Variants in IKZF1 observed in about 807,000 individuals in gnomAD.
IKZF1 encodes DNA-binding protein Ikaros.
In IKZF1, 10 loss-of-function variants were observed where a neutral mutation model predicts 51.7. The ratio of observed to expected loss-of-function variants is 0.19; its 90% CI spans 0.12 to 0.33. The LOEUF is 0.33. Ranked by LOEUF, IKZF1 falls within the 10% of genes least tolerant of loss-of-function variation. The pLI is 1.00. For missense variants in IKZF1, 484 were observed against 707.5 expected, an observed-to-expected ratio of 0.68 and a Z score of 3.58; for synonymous variants, 280 against 282.3, an observed-to-expected ratio of 0.99 and a Z score of 0.08.
intron 6 of IKZF1, among the ~76,000 whole-genome samples, chr7:50,388,123 G>A (rs1302378178): frequency 6.6e-6 from 1 of 152,162 alleles, no homozygotes; most frequent in Non-Finnish European, 1.5e-5. Flanking sequence ...GATGTGGAGA[G>A]AGTATTGAAA....
At chr7:50,305,495 C>A (rs1358964695) in intron 1 of IKZF1, among the ~76,000 whole-genome samples, 2 of 152,212 alleles carry the variant, frequency 1.3e-5, no homozygotes, top group African/African-American at 4.8e-5. Context: ...TCAAGCATCG[C>A]TGCTGATGCC....
chr7:50,351,050 T>C (rs926398110), intron 3 of IKZF1, among the ~76,000 whole-genome samples: 1 of 152,248 alleles, frequency 6.6e-6, no homozygotes. Context: ...GTGTGTTACC[T>C]CTCGGAATAA....
At chr7:50,346,117 T>A (rs757328410) in intron 3 of IKZF1, among the ~76,000 whole-genome samples, 4 of 152,170 alleles carry the variant, frequency 2.6e-5, no homozygotes, top group Admixed American at 1.3e-4. Context: ...GACAACTTCA[T>A]CCCACCCCCG....
At chr7:50,369,776 T>C (rs1351065504) in intron 3 of IKZF1, 1 of 391,212 alleles carries the variant, frequency 2.6e-6, no homozygotes, top group African/African-American at 2.1e-5. Flanking sequence ...CTTTTTTTTA[T>C]TCTCTTTATC....
intron 4 of IKZF1, among the ~76,000 whole-genome samples, chr7:50,378,148 T>G (rs1810843415): frequency 6.6e-6 from 1 of 152,238 alleles, no homozygotes; most frequent in African/African-American, 2.4e-5. Flanking sequence ...TTTTTTATAT[T>G]TGAATCGGGC....
rs1204335464 is a variant in IKZF1, at chr7:50,402,905, T to G, written c.*2278T>G. ...ATGCAATCACAGAGAAAGATGCGCC[T>G]TATCCAAGTTAATATCTCTAAGGTG... On this transcript the variant is annotated 3_prime_UTR_variant, in exon 8 of 8. Coordinates refer to ENST00000331340, the MANE Select transcript of IKZF1 (RefSeq NM_006060.6). The G allele has an allele frequency of 4.4e-6, 1 of 229,532 alleles. No homozygotes were observed. The allele number at this position is 229,532 out of a possible 1,614,324, so 14.2% of individuals were successfully genotyped here. A position where few individuals can be genotyped will look rare whatever the true frequency, so the allele number is the denominator to read the frequency against.
intron 1 of IKZF1, among the ~76,000 whole-genome samples, chr7:50,305,826 T>TA (rs1788638754): frequency 6.6e-6 from 1 of 152,218 alleles, no homozygotes; most frequent in Non-Finnish European, 1.5e-5. Context: ...TTTATGGAAT[T>TA]TGAAAATACT....
chr7:50,362,597 C>G (rs1805591943), intron 3 of IKZF1, among the ~76,000 whole-genome samples: 1 of 152,128 alleles, frequency 6.6e-6, no homozygotes. Flanking sequence ...ACAGGGCTCT[C>G]TTTTTTGTTT....
chr7:50,360,690 C>T (rs903164415), intron 3 of IKZF1, among the ~76,000 whole-genome samples: 1 of 152,274 alleles, frequency 6.6e-6, no homozygotes, highest in African/African-American at 2.4e-5. Flanking sequence ...ATCAAAGGCT[C>T]TTGCCTTGTG....
At chr7:50,396,689 T>A (rs898749102) in intron 7 of IKZF1, among the ~76,000 whole-genome samples, 1 of 152,122 alleles carries the variant, frequency 6.6e-6, no homozygotes, top group Non-Finnish European at 1.5e-5. Flanking sequence ...CCCACTATAT[T>A]TTTTTTTCCT....
At chr7:50,353,953 A>G (rs1225675773) in intron 3 of IKZF1, among the ~76,000 whole-genome samples, 1 of 152,168 alleles carries the variant, frequency 6.6e-6, no homozygotes, top group African/African-American at 2.4e-5. Flanking sequence ...CCAAGCCAGG[A>G]TGCTGGGATC....
intron 3 of IKZF1, among the ~76,000 whole-genome samples, chr7:50,375,710 C>T (rs1370866969): frequency 8.0e-6 from 1 of 125,162 alleles, no homozygotes. Context: ...CTCCCACCCC[C>T]CCCCCCCACC....
chr7:50,355,944 C>T (rs974105585), intron 3 of IKZF1, among the ~76,000 whole-genome samples: 1 of 152,208 alleles, frequency 6.6e-6, no homozygotes, highest in African/African-American at 2.4e-5. Flanking sequence ...GCAACTTCCA[C>T]GCTCCTTCAG....
chr7:50,396,091 G>C (rs564820103), intron 7 of IKZF1, among the ~76,000 whole-genome samples: 8 of 152,232 alleles, frequency 5.3e-5, no homozygotes, highest in Admixed American at 3.9e-4. Flanking sequence ...ATTTTGTCTA[G>C]AGAGTCCCTT....
At position 50,327,885 on chromosome 7, in the gene IKZF1, A is replaced by G. The variant is rs1795477325; in HGVS notation, c.160+128A>G. The G allele has an allele frequency of 6.3e-6, 7 of 1,109,362 alleles. No homozygotes were observed. In the South Asian group the frequency reaches 1.2e-4, roughly 19 times the overall value. 68.7% of individuals were successfully genotyped at this position (1,109,362 alleles called of 1,614,324 possible). On this transcript the variant is annotated intron_variant, in intron 3 of 7. Coordinates refer to ENST00000331340, the MANE Select transcript of IKZF1 (RefSeq NM_006060.6). ...CCCTCAACTGGCATATTAAAGAAATATGGCACAAAGATCAGCAGGATGGGG... is the reference window on the plus strand; with the variant it reads ...CCCTCAACTGGCATATTAAAGAAATGTGGCACAAAGATCAGCAGGATGGGG...
intron 3 of IKZF1, among the ~76,000 whole-genome samples, chr7:50,335,613 G>A (rs1797561371): frequency 6.9e-6 from 1 of 145,024 alleles, no homozygotes; most frequent in Non-Finnish European, 1.5e-5. Flanking sequence ...GTGTATGTGT[G>A]TTATATGTGT....
intron 3 of IKZF1, among the ~76,000 whole-genome samples, chr7:50,354,994 A>G (rs1045344489): frequency 4.6e-5 from 7 of 152,154 alleles, no homozygotes; most frequent in Non-Finnish European, 7.4e-5. Context: ...ACACCTGTTC[A>G]GGAGATTCCC....
At chr7:50,307,415 G>A (rs750717083) in intron 1 of IKZF1, among the ~76,000 whole-genome samples, 14 of 152,284 alleles carry the variant, frequency 9.2e-5, no homozygotes, top group South Asian at 2.1e-4. Flanking sequence ...CTCTGAAAAC[G>A]CTTGTCTTCC....
intron 5 of IKZF1, among the ~76,000 whole-genome samples, chr7:50,386,950 A>G (rs56100697): frequency 0.062 from 9,512 of 152,258 alleles, 363 homozygotes; most frequent in South Asian, 0.14. Context: ...ACTGAGGCCT[A>G]CTCTGGAGGC....
Sources: allele counts gnomAD v4.1 joint callset (sites outside exome capture counted in the v4.1 genomes callset), GRCh38; gene constraint gnomAD v4.1.1; transcripts MANE v1.5; gene names NCBI Gene and HGNC (gene_info 2026-07-23, HGNC 2026-07-21).